The following TARDBP variants were observed in gnomAD, a reference collection of about 807,000 sequenced individuals.
The protein encoded by TARDBP is TAR DNA binding protein.
A neutral mutation model predicts 38.3 loss-of-function variants in TARDBP; 4 were observed. The ratio of observed to expected loss-of-function variants is 0.10; its 90% confidence interval spans 0.05 to 0.24. The LOEUF (loss-of-function observed/expected upper bound fraction) is 0.24, where lower values mean the gene tolerates loss of function less well. Among genes scored for constraint, TARDBP ranks in the 10% least tolerant of loss-of-function variants. The pLI, the probability that TARDBP is intolerant of heterozygous loss-of-function variation, is 1.00. For missense variants in TARDBP, 202 were observed against 521.9 expected, an observed-to-expected ratio of 0.39 and a Z score of 5.97; for synonymous variants, 184 against 183.8, an observed-to-expected ratio of 1.00 and a Z score of -0.01.
intron 4 of TARDBP, 30 bp downstream of exon 4, chr1:11,018,903 G>A (rs374975604): frequency 2.9e-5 from 46 of 1,613,810 alleles, no homozygotes; most frequent in Non-Finnish European, 3.7e-5. Context: ...GGGAATTTTT[G>A]CCAACAAACT....
intron 2 of TARDBP, 86 bp from the exon 3 acceptor site, chr1:11,016,758 G>T: frequency 4.3e-6 from 6 of 1,380,688 alleles, no homozygotes; most frequent in Admixed American, 3.8e-5. Context: ...TCTTCTTTTT[G>T]CTTCTCATTT....
chr1:11,029,506 A>G (rs1210239826), downstream of TARDBP, among the ~76,000 whole-genome samples: 2 of 152,030 alleles, frequency 1.3e-5, no homozygotes, highest in African/African-American at 4.8e-5. Flanking sequence ...TAAAAACTAG[A>G]TGTTGAAAAC....
At chr1:11,028,159 T>G (rs112338214), downstream of TARDBP, among the ~76,000 whole-genome samples, 5,759 of 151,732 alleles carry the variant, frequency 0.038, 385 homozygotes, top group African/African-American at 0.13. Flanking sequence ...GAGGCGGAGG[T>G]TGCAGTAAGA....
intron 3 of TARDBP, among the ~76,000 whole-genome samples, chr1:11,017,478 G>C (rs1307211366): frequency 6.6e-6 from 1 of 152,136 alleles, no homozygotes; most frequent in African/African-American, 2.4e-5. Flanking sequence ...TGGGATTACA[G>C]GTGTGAGCCA....
chr1:11,024,886 T>C lies in TARDBP; in HGVS notation c.*2232T>C, dbSNP rs1157497228. The C allele has an allele frequency of 1.3e-5, 2 of 152,646 alleles. No individual in the cohort carries two copies. The highest frequency in any genetic ancestry group is 2.9e-5 in the Non-Finnish European group (2 of 68,046). 9.5% of individuals were successfully genotyped at this position (152,646 alleles called of 1,614,324 possible). On this transcript the variant is annotated 3_prime_UTR_variant, in exon 6 of 6. Transcript: ENST00000240185. ...AATGTGATATTTGTTGTGTTGGTAG[T>C]TTACCTAATGCCCTTACCTAATTAG... is the stretch of plus-strand genomic sequence containing the variant.
Position 11,013,895 on chromosome 1 carries a change from G to T in TARDBP, c.168G>T (p.Leu56=). The stretch of plus-strand genomic sequence containing the variant: ...CTCAGTGTATGAGAGGTGTCCGGCT[G>T]GTAGAAGGAATTCTGCATGCCCCAG... ...PVSQCMRGVR[L]VEGILHAPDA... Residue 56 remains leucine (L), a synonymous_variant, in exon 2 of 6, where the codon CTG becomes CTT. Coordinates refer to ENST00000240185, the MANE Select transcript of TARDBP (RefSeq NM_007375.4). The T allele has an allele frequency of 6.2e-7, 1 of 1,614,164 alleles. No individual in the cohort carries two copies. Among genetic ancestry groups the T allele is most frequent in the Non-Finnish European group, 8.5e-7 (1 of 1,180,016 alleles).
chr1:11,017,843 T>C (rs1643558060), intron 3 of TARDBP, among the ~76,000 whole-genome samples: 1 of 151,766 alleles, frequency 6.6e-6, no homozygotes, highest in Non-Finnish European at 1.5e-5. Context: ...AGGCCAGGAG[T>C]TCAAGGCCAC....
downstream of TARDBP, chr1:11,027,262 T>A (rs1570732099): frequency 6.2e-7 from 1 of 1,614,170 alleles, no homozygotes; most frequent in Non-Finnish European, 8.5e-7. Context: ...TCTGTCCTCA[T>A]AAAGGATTCA....
At chr1:11,020,709 C>T (rs1643619504) in intron 5 of TARDBP, 110 bp downstream of exon 5, 2 of 1,131,034 alleles carry the variant, frequency 1.8e-6, no homozygotes, top group Admixed American at 3.6e-5. Context: ...AGATCAAGAC[C>T]ATCCTGGCCA....
intron 3 of TARDBP, 35 bp from the exon 4 acceptor site, chr1:11,018,698 G>A (rs1415061559): frequency 6.2e-7 from 1 of 1,614,042 alleles, no homozygotes. Context: ...GTGAGTATGT[G>A]CACTTTTAGA....
At chr1:11,020,373 T>G in intron 4 of TARDBP, 56 bp from the exon 5 acceptor site, 2 of 1,607,630 alleles carry the variant, frequency 1.2e-6, no homozygotes, top group Non-Finnish European at 1.7e-6. Flanking sequence ...CCTTAATGTT[T>G]TTTTCATTGT....
Position 11,013,889 on chromosome 1 carries a change from C to G in TARDBP, c.162C>G (p.Val54=). The G allele has an allele frequency of 6.2e-7, 1 of 1,614,160 alleles. No individual in the cohort carries two copies. The highest frequency in any genetic ancestry group is 8.5e-7 in the Non-Finnish European group (1 of 1,180,026). The change falls in exon 2 of 6, where the codon GTC becomes GTG. Residue 54 remains valine (V), a synonymous_variant. Transcript: ENST00000240185. ...RNPVSQCMRG[V]RLVEGILHAP... ...CAGTGTCTCAGTGTATGAGAGGTGT[C>G]CGGCTGGTAGAAGGAATTCTGCATG...
chr1:11,028,670 GTAAT>G (rs1643780664), downstream of TARDBP, among the ~76,000 whole-genome samples: 1 of 150,378 alleles, frequency 6.6e-6, no homozygotes, highest in African/African-American at 2.5e-5. Context: ...TAACACAAGG[GTAAT>G]TAATATATTA....
At chr1:11,021,254 T>C (rs1023335582) in intron 5 of TARDBP, among the ~76,000 whole-genome samples, 5 of 152,066 alleles carry the variant, frequency 3.3e-5, no homozygotes, top group Non-Finnish European at 5.9e-5. Flanking sequence ...TTGTCTTGGC[T>C]CAGCCTCCTG....
chr1:11,029,944 C>G (rs1021319430), downstream of TARDBP: 1 of 378,430 alleles, frequency 2.6e-6, no homozygotes, highest in African/African-American at 2.1e-5. Context: ...ATTTTTTATG[C>G]TTGCCTAGTT....
chr1:11,023,555 GTC>G lies in TARDBP; in HGVS notation c.*906_*907del, dbSNP rs1467423673. 9.3e-6 allele frequency: 4 copies of G among 430,874 alleles called. No homozygotes were observed. The highest frequency in any genetic ancestry group is 7.9e-5 in the Admixed American group (2 of 25,232). The allele number at this position is 430,874 out of a possible 1,614,324, so 26.7% of individuals were successfully genotyped here. A position where few individuals can be genotyped will look rare whatever the true frequency, so the allele number is the denominator to read the frequency against. On this transcript the variant is annotated 3_prime_UTR_variant, in exon 6 of 6. Transcript: ENST00000240185. ...GATATTTTTTAACTTGGCGAGATGT[GTC>G]TCTCAATCCTGTGGCTTTGGTGAGA...
chr1:11,027,527 T>C, downstream of TARDBP: 4 of 1,614,196 alleles, frequency 2.5e-6, no homozygotes, highest in Non-Finnish European at 3.4e-6. Context: ...AGTTGTCATA[T>C]AAAAGTGCAC....
Position 11,022,452 on chromosome 1 carries a change from G to T in TARDBP, c.1043G>T (p.Gly348Val), listed in dbSNP as rs1131690782. Residue 348 changes from glycine (G) to valine (V), a missense_variant, in exon 6 of 6, where the codon GGC (glycine) becomes GTC (valine). Gly to Val is a moderately radical substitution (Grantham distance 109). Transcript: ENST00000240185. The surrounding 1 kb of genome is among the most constrained non-coding windows in gnomAD (Gnocchi z 4.5). Reference protein sequence around the residue: ...GMLASQQNQSGPSGNNQNQGN... With the variant: ...GMLASQQNQSVPSGNNQNQGN... Reference sequence around the variant, plus strand: ...TTAGCCAGCCAGCAGAACCAGTCAGGCCCATCGGGTAATAACCAAAACCAA... The same window carrying T: ...TTAGCCAGCCAGCAGAACCAGTCAGTCCCATCGGGTAATAACCAAAACCAA... 1 of 1,612,980 alleles carries T rather than the reference G, an allele frequency of 6.2e-7. No homozygotes were observed. The highest frequency in any genetic ancestry group is 1.1e-5 in the South Asian group (1 of 91,064).
chr1:11,012,964 A>T (rs1242287527), intron 1 of TARDBP, among the ~76,000 whole-genome samples: 2 of 152,236 alleles, frequency 1.3e-5, no homozygotes, highest in Non-Finnish European at 2.9e-5. Flanking sequence ...GGTGCCGCGT[A>T]GCCTGAGGCG....
Sources: allele counts gnomAD v4.1 joint callset (sites outside exome capture counted in the v4.1 genomes callset), GRCh38; gene constraint gnomAD v4.1.1; non-coding constraint Gnocchi (gnomAD v3.1); transcripts MANE v1.5; gene names NCBI Gene and HGNC (gene_info 2026-07-23, HGNC 2026-07-21).